Variants in RGS5 observed in about 807,000 individuals in gnomAD.
The protein encoded by RGS5 is regulator of G protein signaling 5.
A neutral mutation model predicts 18.9 loss-of-function variants in RGS5; 20 were observed. The ratio of observed to expected loss-of-function variants is 1.06; its 90% CI spans 0.74 to 1.54. The LOEUF is 1.54. Ranked by LOEUF, RGS5 falls within the 40% of genes most tolerant of loss-of-function variation. RGS5 has a pLI of 0.00. For missense variants in RGS5, 201 were observed against 211.8 expected, an observed-to-expected ratio of 0.95 and a Z score of 0.32; for synonymous variants, 57 against 76.2, an observed-to-expected ratio of 0.75 and a Z score of 1.31.
At chr1:163,312,136 G>A (rs1649885462) in intron 1 of RGS5, among the ~76,000 whole-genome samples, 1 of 152,178 alleles carries the variant, frequency 6.6e-6, no homozygotes. Context: ...GATAGTGAGT[G>A]AGTTCTCATG....
intron 2 of RGS5, among the ~76,000 whole-genome samples, chr1:163,274,511 C>A (rs1648801748): frequency 6.6e-6 from 1 of 152,106 alleles, no homozygotes; most frequent in South Asian, 2.1e-4. Flanking sequence ...AACTGGCAGG[C>A]AAATATAAGT....
chr1:163,317,752 T>C (rs1650065622), intron 1 of RGS5, among the ~76,000 whole-genome samples: 1 of 152,214 alleles, frequency 6.6e-6, no homozygotes, highest in East Asian at 1.9e-4. Context: ...TGTGTTCTTC[T>C]TCATAAACAT....
intron 1 of RGS5, among the ~76,000 whole-genome samples, chr1:163,307,801 C>T (rs188668330): frequency 4.1e-4 from 62 of 152,246 alleles, no homozygotes; most frequent in Non-Finnish European, 7.5e-4. Context: ...CATTGTAACA[C>T]TACTTAATAT....
chr1:163,297,099 A>G (rs1233454976), intron 2 of RGS5, among the ~76,000 whole-genome samples: 4 of 152,154 alleles, frequency 2.6e-5, no homozygotes, highest in Non-Finnish European at 5.9e-5. Context: ...ATGGGTGGTT[A>G]AAATAATTTA....
intron 1 of RGS5, among the ~76,000 whole-genome samples, chr1:163,184,630 C>T (rs1234558427): frequency 2.0e-5 from 3 of 151,830 alleles, no homozygotes; most frequent in Admixed American, 1.3e-4. Context: ...CTAAGTTGGC[C>T]CAATATAATT....
intron 2 of RGS5, among the ~76,000 whole-genome samples, chr1:163,278,001 G>A (rs1366802179): frequency 1.3e-5 from 2 of 151,424 alleles, no homozygotes; most frequent in African/African-American, 4.8e-5. Flanking sequence ...AATAGAGAAA[G>A]CCTACATTCT....
chr1:163,277,738 C>T (rs1409525834), intron 2 of RGS5, among the ~76,000 whole-genome samples: 2 of 151,892 alleles, frequency 1.3e-5, no homozygotes, highest in African/African-American at 4.8e-5. Flanking sequence ...AACGGGGGTC[C>T]AACATGAGAG....
intron 1 of RGS5, among the ~76,000 whole-genome samples, chr1:163,185,446 C>T (rs921023603): frequency 1.3e-5 from 2 of 152,184 alleles, no homozygotes; most frequent in African/African-American, 4.8e-5. Flanking sequence ...CTACAAATAG[C>T]TTCCCTTTCA....
At chr1:163,167,054 T>C (rs1402752467) in intron 2 of RGS5, among the ~76,000 whole-genome samples, 2 of 78,134 alleles carry the variant, frequency 2.6e-5, no homozygotes, top group Admixed American at 1.4e-4. Context: ...TAGAATCACT[T>C]TGAAGTAATA....
intron 2 of RGS5, among the ~76,000 whole-genome samples, chr1:163,302,277 T>C (rs1649572998): frequency 6.6e-6 from 1 of 151,668 alleles, no homozygotes; most frequent in African/African-American, 2.4e-5. Context: ...TTTGTAGTCT[T>C]TTGTATATGC....
intron 2 of RGS5, among the ~76,000 whole-genome samples, chr1:163,240,301 T>C (rs950932161): frequency 2.0e-5 from 3 of 151,946 alleles, no homozygotes; most frequent in African/African-American, 7.2e-5. Context: ...AATAGACTAA[T>C]AGTGTATGCA....
In RGS5 at chr1:163,144,601, T is replaced by C. The variant is rs1406678952; in HGVS notation, c.*2741A>G. ...AACAGGGTTCTTGCATCAAGCTTCA[T>C]GCTTTCCCAGACATTTACTCAAGGG... On this transcript the variant is annotated 3_prime_UTR_variant, in exon 5 of 5. Transcript: ENST00000313961. 2 of 152,642 alleles carry C rather than the reference T, an allele frequency of 1.3e-5. No individual in the cohort carries two copies. The highest frequency in any genetic ancestry group is 3.9e-4 in the East Asian group (2 of 5,192). The allele number at this position is 152,642 out of a possible 1,614,324, so 9.5% of individuals were successfully genotyped here.
intron 2 of RGS5, among the ~76,000 whole-genome samples, chr1:163,299,281 A>G (rs1193221058): frequency 1.3e-5 from 2 of 152,174 alleles, no homozygotes; most frequent in African/African-American, 4.8e-5. Flanking sequence ...TGGGAGGAAA[A>G]GGCTGTAGAG....
chr1:163,189,245 T>G (rs1255587369), intron 1 of RGS5, among the ~76,000 whole-genome samples: 2 of 152,202 alleles, frequency 1.3e-5, no homozygotes, highest in Admixed American at 6.5e-5. Flanking sequence ...GAAGTTTTAT[T>G]GAATTTGCTA....
At position 163,145,574 on chromosome 1, in the gene RGS5, T is replaced by C. The variant is rs1657100090; in HGVS notation, c.*1768A>G. ...TGGACTGCTTGATGAAGGAGTTTCT[T>C]TGAAGTGAGCAATACTGGCAAATAT... On this transcript the variant is annotated 3_prime_UTR_variant, in exon 5 of 5. Coordinates refer to ENST00000313961, the MANE Select transcript of RGS5 (RefSeq NM_003617.4). The C allele has an allele frequency of 6.6e-6, 1 of 152,120 alleles. No homozygotes were observed. Among genetic ancestry groups the C allele is most frequent in the Admixed American group, 6.5e-5 (1 of 15,270 alleles). 9.4% of individuals were successfully genotyped at this position (152,120 alleles called of 1,614,324 possible). A position where few individuals can be genotyped will look rare whatever the true frequency, so the allele number is the denominator to read the frequency against.
At chr1:163,164,104 A>G (rs1394499073) in intron 2 of RGS5, among the ~76,000 whole-genome samples, 1 of 152,204 alleles carries the variant, frequency 6.6e-6, no homozygotes. Flanking sequence ...ATTTAAGGGC[A>G]CAGTCAAGTA....
intron 2 of RGS5, among the ~76,000 whole-genome samples, chr1:163,284,504 G>A (rs192769837): frequency 6.6e-6 from 1 of 152,056 alleles, no homozygotes; most frequent in African/African-American, 2.4e-5. Flanking sequence ...GAGATTACCA[G>A]CATATAAAAT....
At chr1:163,274,097 G>C (rs1648791511) in intron 2 of RGS5, among the ~76,000 whole-genome samples, 1 of 152,140 alleles carries the variant, frequency 6.6e-6, no homozygotes, top group South Asian at 2.1e-4. Flanking sequence ...TCCTGACATA[G>C]AGCTCCTAAA....
chr1:163,294,614 A>G (rs1430354749), intron 2 of RGS5, among the ~76,000 whole-genome samples: 1 of 152,212 alleles, frequency 6.6e-6, no homozygotes, highest in East Asian at 1.9e-4. Flanking sequence ...TGTCTTGGCT[A>G]TTAACATTTG....
Sources: gnomAD v4.1 joint callset for allele counts (sites outside exome capture counted in the v4.1 genomes callset) on GRCh38, gnomAD v4.1.1 for gene constraint, MANE v1.5 for transcripts, NCBI Gene and HGNC (gene_info 2026-07-23, HGNC 2026-07-21) for gene names.